The following MGLL variants were observed in gnomAD, a reference collection of about 807,000 sequenced individuals.
The protein encoded by MGLL is monoglyceride lipase, also known as lysophospholipase homolog.
In MGLL, 7 loss-of-function variants were observed where a neutral mutation model predicts 29.1. The observed-to-expected ratio is 0.24, with a 90% confidence interval of 0.14 to 0.45. The LOEUF is 0.45. MGLL is among the 20% of genes least tolerant of loss of function. MGLL has a pLI of 0.99. For synonymous variants in MGLL, 148 were observed against 168.3 expected, an observed-to-expected ratio of 0.88 and a Z score of 0.93; for missense variants, 356 against 413.6, an observed-to-expected ratio of 0.86 and a Z score of 1.21.
At chr3:127,699,691 G>A (rs1304012584) in intron 6 of MGLL, among the ~76,000 whole-genome samples, 1 of 152,216 alleles carries the variant, frequency 6.6e-6, no homozygotes, top group African/African-American at 2.4e-5. Flanking sequence ...AGGAGAAGGT[G>A]AAGGTCAGTG....
At chr3:127,785,277 C>T (rs112208994) in intron 2 of MGLL, among the ~76,000 whole-genome samples, 119 of 152,296 alleles carry the variant, frequency 7.8e-4, no homozygotes, top group Middle Eastern at 3.4e-3. Flanking sequence ...CTGGTCTGGC[C>T]GGCCCTTCCC....
chr3:127,734,471 G>A (rs1186665653), intron 3 of MGLL, among the ~76,000 whole-genome samples: 1 of 152,100 alleles, frequency 6.6e-6, no homozygotes. Flanking sequence ...TCTCCACTGG[G>A]GGTTCGGCAC....
chr3:127,740,921 A>G (rs946404181), intron 3 of MGLL, among the ~76,000 whole-genome samples: 2 of 152,206 alleles, frequency 1.3e-5, no homozygotes, highest in Non-Finnish European at 2.9e-5. Context: ...AAGCAGTGCA[A>G]GCTTTCCCTG....
intron 3 of MGLL, among the ~76,000 whole-genome samples, chr3:127,760,913 G>T (rs768148925): frequency 2.4e-4 from 37 of 152,202 alleles, no homozygotes; most frequent in Non-Finnish European, 4.3e-4. Flanking sequence ...ATTAAATGGG[G>T]TGATCCGTGG....
intron 3 of MGLL, among the ~76,000 whole-genome samples, chr3:127,746,748 T>C (rs1465052623): frequency 1.3e-5 from 2 of 152,114 alleles, no homozygotes; most frequent in Non-Finnish European, 2.9e-5. Context: ...GTAGGGAGCC[T>C]CCCTCTCGTC....
chr3:127,772,904 G>C (rs978388727), intron 3 of MGLL, among the ~76,000 whole-genome samples: 1 of 152,212 alleles, frequency 6.6e-6, no homozygotes, highest in Non-Finnish European at 1.5e-5. Context: ...CTATGAACCA[G>C]GAGGTGGTTC....
At chr3:127,806,998 A>T (rs2077578759) in intron 2 of MGLL, among the ~76,000 whole-genome samples, 1 of 152,194 alleles carries the variant, frequency 6.6e-6, no homozygotes, top group African/African-American at 2.4e-5. Context: ...TCTGGGTAAT[A>T]ATGACCACTT....
chr3:127,801,999 C>T (rs1308626838), intron 2 of MGLL, among the ~76,000 whole-genome samples: 3 of 151,990 alleles, frequency 2.0e-5, no homozygotes, highest in African/African-American at 7.3e-5. Flanking sequence ...CTCTGTCTGG[C>T]CAGGCACTGG....
At position 127,690,913 on chromosome 3, in the gene MGLL, C is replaced by A; in HGVS notation, c.*1285G>T. 1 of 152,916 alleles carries A rather than the reference C, an allele frequency of 6.5e-6. No homozygotes were observed. 9.5% of individuals were successfully genotyped at this position (152,916 alleles called of 1,614,324 possible). A position where few individuals can be genotyped will look rare whatever the true frequency, so the allele number is the denominator to read the frequency against. On this transcript the variant is annotated 3_prime_UTR_variant, in exon 8 of 8. Coordinates refer to ENST00000265052, the MANE Select transcript of MGLL (RefSeq NM_007283.7). ...CCTTGGCCTTGGGTGAGGCCTGTCC[C>A]GGCCTGTCCTGCTGTGGCCTGGGGC...
At chr3:127,768,036 G>A (rs1296476914) in intron 3 of MGLL, among the ~76,000 whole-genome samples, 1 of 152,182 alleles carries the variant, frequency 6.6e-6, no homozygotes, top group African/African-American at 2.4e-5. Flanking sequence ...ACAAGTGTAT[G>A]CCAATAAATT....
At chr3:127,808,671 G>C (rs984325460) in intron 2 of MGLL, among the ~76,000 whole-genome samples, 1 of 152,166 alleles carries the variant, frequency 6.6e-6, no homozygotes, top group Non-Finnish European at 1.5e-5. Context: ...ATACTGGGGA[G>C]GCAACCAACC....
At chr3:127,692,408 C>T (rs2075265553) in intron 7 of MGLL, 85 bp from the exon 8 acceptor site, 1 of 1,553,480 alleles carries the variant, frequency 6.4e-7, no homozygotes, top group African/African-American at 1.4e-5. Flanking sequence ...GGGCAGGGGT[C>T]TGCAGCATTC....
chr3:127,748,741 C>T (rs2076501237), intron 3 of MGLL, among the ~76,000 whole-genome samples: 1 of 152,086 alleles, frequency 6.6e-6, no homozygotes, highest in Admixed American at 6.5e-5. Flanking sequence ...AAAATAAATC[C>T]CTGCTGTTGA....
intron 3 of MGLL, among the ~76,000 whole-genome samples, chr3:127,764,259 T>G (rs896055412): frequency 2.0e-5 from 3 of 152,186 alleles, no homozygotes. Flanking sequence ...GGAAGCCTAA[T>G]GGCCTAAAGA....
At chr3:127,696,603 G>A (rs1003825470) in intron 6 of MGLL, among the ~76,000 whole-genome samples, 3 of 151,658 alleles carry the variant, frequency 2.0e-5, no homozygotes, top group Admixed American at 6.6e-5. Context: ...TAGTACAGAC[G>A]GGGTTTTGCC....
At chr3:127,810,853 C>T (rs2077650453) in intron 2 of MGLL, among the ~76,000 whole-genome samples, 1 of 137,700 alleles carries the variant, frequency 7.3e-6, no homozygotes, top group African/African-American at 3.6e-5. Context: ...AAAAAGGAAG[C>T]AAACCCTCCA....
chr3:127,742,316 G>A (rs915810849), intron 3 of MGLL, among the ~76,000 whole-genome samples: 8 of 152,188 alleles, frequency 5.3e-5, no homozygotes, highest in South Asian at 2.1e-4. Context: ...CAGGCCAGGC[G>A]CAGTGGCTCA....
intron 5 of MGLL, chr3:127,711,945 A>T (rs936959572): frequency 6.6e-6 from 1 of 152,210 alleles, no homozygotes; most frequent in Non-Finnish European, 1.5e-5. Flanking sequence ...GCTGGTCTCA[A>T]ACTCCTGACC....
At chr3:127,775,772 T>G (rs149454245) in intron 3 of MGLL, among the ~76,000 whole-genome samples, 1,891 of 152,324 alleles carry the variant, frequency 0.012, 28 homozygotes, top group Middle Eastern at 0.034. Flanking sequence ...GGCTGCTCCC[T>G]GGGGAAGGGC....
Sources: gnomAD v4.1 joint callset for allele counts (sites outside exome capture counted in the v4.1 genomes callset) on GRCh38, gnomAD v4.1.1 for gene constraint, MANE v1.5 for transcripts, NCBI Gene and HGNC (gene_info 2026-07-23, HGNC 2026-07-21) for gene names.